ANKMY1: variants seen among roughly 807,000 people sequenced by gnomAD.
The protein encoded by ANKMY1 is ankyrin repeat and MYND domain-containing protein 1.
Under a neutral mutation model 102.0 loss-of-function variants are expected in ANKMY1, and 98 were observed. That is an observed-to-expected ratio of 0.96 (90% CI 0.82 to 1.14). The LOEUF (loss-of-function observed/expected upper bound fraction) is 1.14. Among genes scored for constraint, ANKMY1 ranks in the 50% most tolerant of loss-of-function variants. The pLI, the probability that ANKMY1 is intolerant of heterozygous loss-of-function variation, is 0.00. For missense variants in ANKMY1, 1,330 were observed against 1,347.6 expected (o/e 0.99, Z 0.20); for synonymous variants, 582 against 559.9 (o/e 1.04, Z -0.56).
chr2:240,470,644 G>T, the ANKMY1 span, among the ~76,000 whole-genome samples: 1 of 152,292 alleles, frequency 6.6e-6, no homozygotes, highest in South Asian at 2.1e-4. Flanking sequence ...CATAGGAGAC[G>T]TCAAAATATG....
intron 4 of ANKMY1, among the ~76,000 whole-genome samples, chr2:240,534,861 C>T (rs544768126): frequency 7.3e-4 from 109 of 148,674 alleles, no homozygotes; most frequent in Middle Eastern, 7.6e-3. Flanking sequence ...CCAGCACTTT[C>T]GGAGGCTGAG....
At position 240,499,121 on chromosome 2, in the gene ANKMY1, G is replaced by A. The variant is rs1025300380; in HGVS notation, c.2806+837C>T. Among the ~76,000 whole-genome samples the A allele has an allele frequency of 6.6e-6, 1 of 152,162 alleles. No individual in the cohort carries two copies. The highest frequency in any genetic ancestry group is 1.9e-4 in the East Asian group (1 of 5,188). On this transcript the variant is annotated intron_variant, in intron 15 of 17. Coordinates refer to ENST00000401804, the MANE Select transcript of ANKMY1 (RefSeq NM_001282771.3). The surrounding 1 kb of genome is among the most constrained non-coding windows in gnomAD (Gnocchi z 4.2). ...GCACCTGGGGTGTTGCTCAGTGGGG[G>A]ACTGTGTGAGGCTGCAGGAGGCTAC...
chr2:240,509,399 C>A lies in ANKMY1; in HGVS notation c.2343G>T (p.Leu781=). 6.2e-7 allele frequency: 1 copy of A among 1,613,770 alleles called. No individual in the cohort carries two copies. The highest frequency in any genetic ancestry group is 2.2e-5 in the East Asian group (1 of 44,872). Residue 781 remains leucine (L), a synonymous_variant, in exon 12 of 18, where the codon CTG becomes CTT. Coordinates refer to ENST00000401804, the MANE Select transcript of ANKMY1 (RefSeq NM_001282771.3). ...LLSHGANPNL[L]WSGHSPLSLS... is the part of the protein sequence containing the mutation. ...GGGAGAGCGGGGAGTGGCCACTCCA[C>A]AGCAGGTTAGGATTTGCTCCGTGGG...
At chr2:240,513,413 G>A (rs552548549) in intron 9 of ANKMY1, among the ~76,000 whole-genome samples, 132 of 152,368 alleles carry the variant, frequency 8.7e-4, no homozygotes, top group African/African-American at 3.1e-3. Context: ...GTGACGCAGA[G>A]GTGTTCACAG....
the ANKMY1 span, among the ~76,000 whole-genome samples, chr2:240,473,092 C>A: frequency 6.1e-5 from 9 of 147,764 alleles, no homozygotes; most frequent in Admixed American, 6.1e-4. Context: ...CCACTGTACT[C>A]CAGCCTGGGC....
At position 240,525,714 on chromosome 2, in the gene ANKMY1, C is replaced by T. The variant is rs1206291775; in HGVS notation, c.1306G>A (p.Val436Ile). The T allele has an allele frequency of 6.2e-7, 1 of 1,614,134 alleles. No individual in the cohort carries two copies. Among genetic ancestry groups the T allele is most frequent in the Admixed American group, 1.7e-5 (1 of 60,018 alleles). Residue 436 changes from valine to isoleucine, a missense_variant, in exon 7 of 18, where the codon GTT becomes ATT. Val to Ile is a conservative substitution (Grantham distance 29). Transcript: ENST00000401804. Reference protein sequence around the residue: ...HYPAQSFKPNVAERTIPEPQE... With the variant: ...HYPAQSFKPNIAERTIPEPQE... ...GGCTCAGGTATGGTCCGTTCAGCAA[C>T]ATTGGGCTTGAAGGACTGGGCGGGG...
intron 15 of ANKMY1, among the ~76,000 whole-genome samples, chr2:240,496,403 GATAGATA>G (rs2077273465): frequency 9.3e-6 from 1 of 107,466 alleles, no homozygotes; most frequent in Non-Finnish European, 2.0e-5. Flanking sequence ...TAGATAGATA[GATAGATA>G]GATGTGCTTG....
chr2:240,545,017 G>A (rs2090014435), intron 4 of ANKMY1, among the ~76,000 whole-genome samples: 1 of 152,266 alleles, frequency 6.6e-6, no homozygotes, highest in South Asian at 2.1e-4. Context: ...ACAGCTCAAG[G>A]AGGCCTGCCT....
chr2:240,512,738 G>A (rs2080460818), intron 10 of ANKMY1, 64 bp downstream of exon 10: 1 of 1,542,276 alleles, frequency 6.5e-7, no homozygotes, highest in South Asian at 1.3e-5. Flanking sequence ...GGCAGAGTGT[G>A]TGAATCCATC....
At chr2:240,550,577 C>CT (rs981819090) in intron 4 of ANKMY1, among the ~76,000 whole-genome samples, 16 of 152,050 alleles carry the variant, frequency 1.1e-4, no homozygotes, top group Admixed American at 9.8e-4. Context: ...CTTAAATTAA[C>CT]TTTTTTTGGA....
At chr2:240,539,848 A>G (rs2088164500) in intron 4 of ANKMY1, among the ~76,000 whole-genome samples, 1 of 152,150 alleles carries the variant, frequency 6.6e-6, no homozygotes, top group Non-Finnish European at 1.5e-5. Flanking sequence ...CCCCAGAAAA[A>G]CCGGAAAAAC....
intron 12 of ANKMY1, among the ~76,000 whole-genome samples, chr2:240,509,125 A>G (rs1295626632): frequency 6.6e-6 from 1 of 151,404 alleles, no homozygotes; most frequent in Non-Finnish European, 1.5e-5. Context: ...GGATGGATGG[A>G]TGGAAGAATG....
chr2:240,471,269 T>TC, the ANKMY1 span, among the ~76,000 whole-genome samples: 3 of 150,976 alleles, frequency 2.0e-5, no homozygotes, highest in Non-Finnish European at 4.4e-5. Flanking sequence ...TCTTTTTTTT[T>TC]TTTTTTTTGA....
At chr2:240,550,585 G>A (rs1470494077) in intron 4 of ANKMY1, among the ~76,000 whole-genome samples, 1 of 151,718 alleles carries the variant, frequency 6.6e-6, no homozygotes, top group African/African-American at 2.4e-5. Flanking sequence ...AACTTTTTTT[G>A]GATATTAGGC....
downstream of ANKMY1, among the ~76,000 whole-genome samples, chr2:240,477,660 C>G (rs1323601735): frequency 2.0e-5 from 3 of 152,198 alleles, no homozygotes; most frequent in Admixed American, 6.5e-5. Context: ...TCACTGGGAT[C>G]ACAGGTATAT....
At chr2:240,505,318 C>T (rs1223690046) in intron 13 of ANKMY1, among the ~76,000 whole-genome samples, 2 of 151,792 alleles carry the variant, frequency 1.3e-5, no homozygotes, top group Non-Finnish European at 2.9e-5. Flanking sequence ...AAAAATCAGC[C>T]GGGTGTGGTG....
At chr2:240,558,056 T>A, upstream of ANKMY1, 1 of 897,890 alleles carries the variant, frequency 1.1e-6, no homozygotes, top group Non-Finnish European at 1.3e-6. Context: ...GCTCCGCCAA[T>A]CCCCCCGCCA....
At chr2:240,515,837 C>G (rs1023418361) in intron 9 of ANKMY1, among the ~76,000 whole-genome samples, 1 of 151,936 alleles carries the variant, frequency 6.6e-6, no homozygotes, top group Non-Finnish European at 1.5e-5. Flanking sequence ...CCTGCCTCAG[C>G]CTCCCGAGTA....
intron 7 of ANKMY1, 30 bp downstream of exon 7, chr2:240,525,651 CAGTT>C (rs1267579264): frequency 1.9e-6 from 3 of 1,605,960 alleles, no homozygotes; most frequent in Non-Finnish European, 2.6e-6. Flanking sequence ...CTACAGGAGA[CAGTT>C]GGTGGTGCAG....
Sources: allele counts gnomAD v4.1 joint callset (sites outside exome capture counted in the v4.1 genomes callset), GRCh38; gene constraint gnomAD v4.1.1; non-coding constraint Gnocchi (gnomAD v3.1); transcripts MANE v1.5; gene names NCBI Gene and HGNC (gene_info 2026-07-23, HGNC 2026-07-21).